Variants in SEZ6 observed in about 807,000 individuals in gnomAD.
SEZ6 encodes seizure protein 6 homolog.
Under a neutral mutation model 101.0 loss-of-function variants are expected in SEZ6, and 53 were observed. The ratio of observed to expected loss-of-function variants is 0.52; its 90% CI spans 0.42 to 0.66. SEZ6 has a LOEUF of 0.66. SEZ6 is among the 30% of genes least tolerant of loss of function. The pLI is 0.00. For synonymous variants in SEZ6, 488 were observed against 512.2 expected (o/e 0.95, Z 0.64); for missense variants, 1,102 against 1,289.4 (o/e 0.85, Z 2.23).
chr17:28,959,589 G>C lies in SEZ6; in HGVS notation c.1771+109C>G. 2.6e-6 allele frequency: 4 copies of C among 1,545,066 alleles called. No homozygotes were observed. The highest frequency in any genetic ancestry group is 3.5e-6 in the Non-Finnish European group (4 of 1,146,888). ...ACCCCCCACCTCCTCCTTGGAGGAAGCCTGAACCACGCATATCACAGGGCC... is the reference window on the plus strand; with the variant it reads ...ACCCCCCACCTCCTCCTTGGAGGAACCCTGAACCACGCATATCACAGGGCC... On this transcript the variant is annotated intron_variant, in intron 8 of 16. Transcript: ENST00000317338. This position sits in a 1 kb window ranked among gnomAD's most constrained non-coding sequence, Gnocchi z 4.4.
chr17:28,959,199 C>T lies in SEZ6; in HGVS notation c.1933G>A (p.Val645Met). Reference protein sequence around the residue: ...IRVLRIGPGDVLTFYDGDDLT... With the variant: ...IRVLRIGPGDMLTFYDGDDLT... The stretch of plus-strand genomic sequence containing the variant: ...TCATCCCCATCATAGAAGGTAAGCA[C>T]ATCACCAGGGCCTATGCGCAGCCTG... Residue 645 changes from valine to methionine, a missense_variant, in exon 10 of 17, where the codon GTG becomes ATG. By Grantham distance (21) the Val-to-Met change is conservative. Transcript: ENST00000317338. This position sits in a 1 kb window ranked among gnomAD's most constrained non-coding sequence, Gnocchi z 4.4. 1 of 1,613,428 alleles carries T rather than the reference C, an allele frequency of 6.2e-7. No individual in the cohort carries two copies. Among genetic ancestry groups the T allele is most frequent in the Non-Finnish European group, 8.5e-7 (1 of 1,179,624 alleles).
intron 2 of SEZ6, among the ~76,000 whole-genome samples, 178 bp from the exon 3 acceptor site, chr17:28,979,991 C>T (rs1017571000): frequency 1.3e-5 from 2 of 151,236 alleles, no homozygotes; most frequent in African/African-American, 4.9e-5. Context: ...TTATTAGGCA[C>T]CTACCATGTG....
At chr17:28,988,690 A>C (rs1386043327) in intron 1 of SEZ6, among the ~76,000 whole-genome samples, 1 of 152,212 alleles carries the variant, frequency 6.6e-6, no homozygotes, top group Non-Finnish European at 1.5e-5. Context: ...CAACCCCTGC[A>C]GTCCAGTCAA....
In SEZ6 at chr17:28,955,945, C is replaced by A; in HGVS notation, c.*17G>T. The A allele has an allele frequency of 6.2e-7, 1 of 1,611,338 alleles. No individual in the cohort carries two copies. Among genetic ancestry groups the A allele is most frequent in the Non-Finnish European group, 8.5e-7 (1 of 1,178,836 alleles). The stretch of plus-strand genomic sequence containing the variant: ...CTGAGTTGACTTCCCTAGACTGCCC[C>A]CACCTAGATGGAGACTTCATATTCT... On this transcript the variant is annotated 3_prime_UTR_variant, in exon 17 of 17. Transcript: ENST00000317338.
chr17:28,965,676 C>T (rs1365239580), intron 4 of SEZ6, among the ~76,000 whole-genome samples: 2 of 151,838 alleles, frequency 1.3e-5, no homozygotes, highest in South Asian at 2.1e-4. Context: ...AAGATGGGGA[C>T]GAGGGTAGGG....
At position 28,995,328 on chromosome 17, in the gene SEZ6, C is replaced by G. The variant is rs536907644; in HGVS notation, c.55+10487G>C. ...TGTGAGCATATTTGTTTGTGTGTCT[C>G]TGTGTGTGTGCATGTATGTGGGGGG... is the stretch of plus-strand genomic sequence containing the variant. On this transcript the variant is annotated intron_variant, in intron 1 of 16. Transcript: ENST00000317338. Among the ~76,000 whole-genome samples, 148 of 151,200 alleles carry G rather than the reference C, an allele frequency of 9.8e-4. 1 individual carries two copies. Among genetic ancestry groups the G allele is most frequent in the Non-Finnish European group, 5.2e-4 (35 of 67,854 alleles).
At chr17:28,982,542 G>T (rs1293951638) in intron 1 of SEZ6, among the ~76,000 whole-genome samples, 1 of 152,188 alleles carries the variant, frequency 6.6e-6, no homozygotes, top group Non-Finnish European at 1.5e-5. Flanking sequence ...GAGATGATAG[G>T]GCATTCAAGT....
At chr17:28,985,571 A>T (rs1277190884) in intron 1 of SEZ6, among the ~76,000 whole-genome samples, 1 of 152,226 alleles carries the variant, frequency 6.6e-6, no homozygotes. Flanking sequence ...GTGAATCTGC[A>T]TGCTCTGAAT....
At chr17:28,999,271 G>A (rs950513091) in intron 1 of SEZ6, among the ~76,000 whole-genome samples, 3 of 152,140 alleles carry the variant, frequency 2.0e-5, no homozygotes, top group African/African-American at 7.2e-5. Flanking sequence ...CAAAACTGTA[G>A]GGGATGAGTG....
chr17:28,970,948 C>T (rs1051577201), intron 3 of SEZ6, among the ~76,000 whole-genome samples: 1 of 152,218 alleles, frequency 6.6e-6, no homozygotes, highest in Non-Finnish European at 1.5e-5. Context: ...CCTCTTTCTC[C>T]GATCCTTTCC....
At chr17:28,980,793 C>T (rs866213433) in intron 2 of SEZ6, among the ~76,000 whole-genome samples, 125 of 149,962 alleles carry the variant, frequency 8.3e-4, no homozygotes, top group African/African-American at 2.7e-3. Flanking sequence ...CATGAGCCAC[C>T]GTGTCCAGCC....
At chr17:28,980,961 T>TC (rs1768542173) in intron 2 of SEZ6, among the ~76,000 whole-genome samples, 1 of 152,100 alleles carries the variant, frequency 6.6e-6, no homozygotes, top group African/African-American at 2.4e-5. Context: ...AATGGTGCAA[T>TC]CTCAGCTCAC....
intron 2 of SEZ6, 51 bp downstream of exon 2, chr17:28,981,320 G>T: frequency 6.7e-7 from 1 of 1,501,976 alleles, no homozygotes. Context: ...TAGGGGCCCC[G>T]CAGCCTCCCC....
chr17:28,958,781 G>GAA (rs11400583), intron 10 of SEZ6, among the ~76,000 whole-genome samples: 60 of 141,984 alleles, frequency 4.2e-4, no homozygotes, highest in Middle Eastern at 3.6e-3. Flanking sequence ...AACTGTCTCA[G>GAA]AAAAAAAAAA....
chr17:29,003,209 A>G (rs1377359263), intron 1 of SEZ6, among the ~76,000 whole-genome samples: 1 of 152,240 alleles, frequency 6.6e-6, no homozygotes, highest in Non-Finnish European at 1.5e-5. Flanking sequence ...GGCTCGGCAC[A>G]CGCAGCCCCT....
Position 28,994,287 on chromosome 17 carries a change from C to G in SEZ6, c.55+11528G>C, listed in dbSNP as rs183049521. Among the ~76,000 whole-genome samples, 177 of 149,042 alleles carry G rather than the reference C, an allele frequency of 1.2e-3. 1 individual carries two copies. The highest frequency in any genetic ancestry group is 4.2e-3 in the African/African-American group (170 of 40,614). On this transcript the variant is annotated intron_variant, in intron 1 of 16. Transcript: ENST00000317338. Reference sequence around the variant, plus strand: ...TGGTTACTGACTTTTTTTTTTTTTCCTTTTTGGAGACGGAGTCTCACTCTG... The same window carrying G: ...TGGTTACTGACTTTTTTTTTTTTTCGTTTTTGGAGACGGAGTCTCACTCTG...
At chr17:29,000,874 C>T (rs1015745617) in intron 1 of SEZ6, among the ~76,000 whole-genome samples, 1 of 152,082 alleles carries the variant, frequency 6.6e-6, no homozygotes, top group African/African-American at 2.4e-5. Context: ...TGCCAATACC[C>T]ACCTGTGCAA....
At chr17:28,961,535 G>C (rs1425926079) in intron 5 of SEZ6, among the ~76,000 whole-genome samples, 1 of 152,222 alleles carries the variant, frequency 6.6e-6, no homozygotes, top group Non-Finnish European at 1.5e-5. Flanking sequence ...GTTAGCACTA[G>C]ATCCGGGCGG....
chr17:28,961,306 G>A (rs983111803), intron 5 of SEZ6, among the ~76,000 whole-genome samples: 1 of 152,092 alleles, frequency 6.6e-6, no homozygotes, highest in Non-Finnish European at 1.5e-5. Flanking sequence ...CTAGAAGGCC[G>A]ACTCTCCCTA....
Sources: allele counts gnomAD v4.1 joint callset (sites outside exome capture counted in the v4.1 genomes callset), GRCh38; gene constraint gnomAD v4.1.1; non-coding constraint Gnocchi (gnomAD v3.1); transcripts MANE v1.5; gene names NCBI Gene and HGNC (gene_info 2026-07-23, HGNC 2026-07-21).